Variants in SOX5 observed in about 807,000 individuals in gnomAD.
SOX5 encodes the protein transcription factor SOX-5.
A neutral mutation model predicts 92.0 loss-of-function variants in SOX5; 9 were observed. The observed-to-expected ratio is 0.10, with a 90% CI of 0.06 to 0.17. The LOEUF is 0.17. Among genes scored for constraint, SOX5 ranks in the 10% least tolerant of loss-of-function variants. The probability of loss-of-function intolerance (pLI) is 1.00; values close to 1 mark genes in which losing one functional copy is unlikely to be tolerated. For synonymous variants in SOX5, 344 were observed against 336.3 expected (o/e 1.02, Z -0.25); for missense variants, 642 against 944.5 (o/e 0.68, Z 4.20).
chr12:24,494,001 T>C (rs2138015761), intron 1 of SOX5, among the ~76,000 whole-genome samples: 1 of 152,336 alleles, frequency 6.6e-6, no homozygotes, highest in South Asian at 2.1e-4. Flanking sequence ...ATCGAATGTA[T>C]TGGATGATGT....
intron 6 of SOX5, among the ~76,000 whole-genome samples, chr12:23,733,413 A>C (rs984909465): frequency 2.0e-5 from 3 of 152,214 alleles, no homozygotes; most frequent in Non-Finnish European, 2.9e-5. Context: ...GTTTTAAACC[A>C]CTGAAATGAA....
chr12:23,616,812 G>A (rs1182273750), intron 8 of SOX5, among the ~76,000 whole-genome samples: 1 of 152,072 alleles, frequency 6.6e-6, no homozygotes, highest in East Asian at 1.9e-4. Flanking sequence ...AGGCTGAAGA[G>A]TTAGTTGGTA....
At chr12:23,927,838 T>C (rs1481220195) in intron 1 of SOX5, among the ~76,000 whole-genome samples, 1 of 152,054 alleles carries the variant, frequency 6.6e-6, no homozygotes, top group African/African-American at 2.4e-5. Flanking sequence ...TACCTTTCAG[T>C]GTGCTAATAT....
Position 24,288,751 on chromosome 12 carries a change from CT to C in SOX5, c.-173-11440del, listed in dbSNP as rs1946232016. On this transcript the variant is annotated intron_variant, in intron 2 of 4. Transcript: ENST00000446891. Reference sequence around the variant, plus strand: ...AACCTTGCAACAATGCATGTCCAACCTTTAAAAAAAAAAACGTGGTGAGGAA... The same window carrying C: ...AACCTTGCAACAATGCATGTCCAACCTTAAAAAAAAAAACGTGGTGAGGAA... Among the ~76,000 whole-genome samples, 6 of 151,570 alleles carry C rather than the reference CT, an allele frequency of 4.0e-5. No individual in the cohort carries two copies. In the South Asian group the frequency reaches 1.2e-3, roughly 32 times the overall value.
Position 24,393,168 on chromosome 12 carries a change from CAA to C in SOX5, c.-250-24531_-250-24530del, listed in dbSNP as rs5797082. On this transcript the variant is annotated intron_variant, in intron 1 of 4. Transcript: ENST00000446891. The surrounding 1 kb of genome is among the most constrained non-coding windows in gnomAD (Gnocchi z 5.0). ...AAAATACAGCAAAATTAGAAGCTGG[CAA>C]AAAAACAAACCCACTGCCTGGGGCA... 5.9e-5 allele frequency among the ~76,000 whole-genome samples: 9 copies of C among 151,952 alleles called. No individual in the cohort carries two copies. The highest frequency in any genetic ancestry group is 5.9e-4 in the Admixed American group (9 of 15,266).
intron 2 of SOX5, among the ~76,000 whole-genome samples, chr12:23,859,657 C>A (rs978218929): frequency 1.2e-4 from 19 of 152,254 alleles, no homozygotes; most frequent in African/African-American, 4.1e-4. Flanking sequence ...TATTCATACA[C>A]CCCTCCCCTT....
chr12:23,626,671 C>CTCT (rs2077840267), intron 8 of SOX5, among the ~76,000 whole-genome samples: 2 of 116,510 alleles, frequency 1.7e-5, no homozygotes, highest in Admixed American at 9.3e-5. Flanking sequence ...TTCATTAGTG[C>CTCT]TTTTTTTTTT....
chr12:23,795,125 C>T (rs1291770196), intron 3 of SOX5, among the ~76,000 whole-genome samples: 3 of 152,020 alleles, frequency 2.0e-5, no homozygotes, highest in African/African-American at 4.8e-5. Flanking sequence ...TGACACCTAA[C>T]ATAGTTAGGA....
chr12:24,542,253 C>T (rs1032907858), intron 1 of SOX5, among the ~76,000 whole-genome samples: 1 of 152,148 alleles, frequency 6.6e-6, no homozygotes, highest in Non-Finnish European at 1.5e-5. Context: ...GAGATTTGTA[C>T]GTGCTGTTCT....
At chr12:23,720,342 C>A (rs951804121) in intron 6 of SOX5, among the ~76,000 whole-genome samples, 1 of 151,940 alleles carries the variant, frequency 6.6e-6, no homozygotes, top group African/African-American at 2.4e-5. Context: ...TTTTTCTTAG[C>A]CAGAATATTA....
chr12:24,494,075 A>G (rs897153637), intron 1 of SOX5, among the ~76,000 whole-genome samples: 2 of 152,216 alleles, frequency 1.3e-5, no homozygotes, highest in African/African-American at 2.4e-5. Context: ...CCCTGTCCAC[A>G]GTGAAAATAA....
chr12:23,911,413 T>G (rs1162223769), intron 1 of SOX5, among the ~76,000 whole-genome samples: 1 of 151,990 alleles, frequency 6.6e-6, no homozygotes, highest in Non-Finnish European at 1.5e-5. Flanking sequence ...TCCCAGAGAG[T>G]CAATTTTGTT....
At chr12:23,931,501 G>A (rs1225885254) in intron 1 of SOX5, among the ~76,000 whole-genome samples, 1 of 151,650 alleles carries the variant, frequency 6.6e-6, no homozygotes, top group Non-Finnish European at 1.5e-5. Flanking sequence ...GAATAGAGAG[G>A]CATGGTATAA....
chr12:23,955,180 A>C (rs1946136206), upstream of SOX5, among the ~76,000 whole-genome samples: 1 of 152,120 alleles, frequency 6.6e-6, no homozygotes, highest in Non-Finnish European at 1.5e-5. Flanking sequence ...GCATAATGGC[A>C]ATTAAGTATA....
chr12:23,630,692 A>C (rs887836664), intron 8 of SOX5, among the ~76,000 whole-genome samples: 1 of 151,970 alleles, frequency 6.6e-6, no homozygotes, highest in African/African-American at 2.4e-5. Context: ...CAACAATAAG[A>C]GGTCATTTAT....
At chr12:23,595,675 C>T (rs2137253164) in intron 9 of SOX5, among the ~76,000 whole-genome samples, 1 of 146,590 alleles carries the variant, frequency 6.8e-6, no homozygotes, top group Non-Finnish European at 1.5e-5. Context: ...CATTTTCTAT[C>T]ACTTGCAACT....
chr12:23,631,945 G>T (rs570169165), intron 8 of SOX5, among the ~76,000 whole-genome samples: 2 of 152,188 alleles, frequency 1.3e-5, no homozygotes, highest in Admixed American at 1.3e-4. Flanking sequence ...TTCCTAATAG[G>T]TTCTTCCTTA....
chr12:24,540,082 C>G (rs1478196312), intron 1 of SOX5, among the ~76,000 whole-genome samples: 1 of 152,054 alleles, frequency 6.6e-6, no homozygotes, highest in Non-Finnish European at 1.5e-5. Context: ...AATGAATACA[C>G]ATACTTACAG....
chr12:24,552,708 TC>T (rs1381733353), intron 1 of SOX5, among the ~76,000 whole-genome samples: 5 of 152,222 alleles, frequency 3.3e-5, no homozygotes, highest in African/African-American at 9.6e-5. Flanking sequence ...CATTTAGAAA[TC>T]GCTTTATAGG....
Sources: gnomAD v4.1 joint callset for allele counts (sites outside exome capture counted in the v4.1 genomes callset) on GRCh38, gnomAD v4.1.1 for gene constraint, Gnocchi (gnomAD v3.1) non-coding constraint, MANE v1.5 for transcripts, NCBI Gene and HGNC (gene_info 2026-07-23, HGNC 2026-07-21) for gene names.